Variants in PRSS48 observed in about 807,000 individuals in gnomAD.
The protein encoded by PRSS48 is epidermis-specific serine protease-like protein.
A neutral mutation model predicts 25.6 loss-of-function variants in PRSS48; 21 were observed. The ratio of observed to expected loss-of-function variants is 0.82; its 90% confidence interval spans 0.58 to 1.18. PRSS48 has a LOEUF of 1.18. PRSS48 is among the 50% of genes most tolerant of loss of function. The pLI is 0.00. For synonymous variants in PRSS48, 150 were observed against 149.3 expected, an observed-to-expected ratio of 1.00 and a Z score of -0.04; for missense variants, 373 against 399.3, an observed-to-expected ratio of 0.93 and a Z score of 0.56.
chr4:151,278,532 A>G (rs1006122669), intron 1 of PRSS48, among the ~76,000 whole-genome samples: 1 of 152,122 alleles, frequency 6.6e-6, no homozygotes, highest in South Asian at 2.1e-4. Flanking sequence ...CCTGTCTCCA[A>G]CATTCCTTTT....
intron 1 of PRSS48, among the ~76,000 whole-genome samples, chr4:151,278,175 C>T (rs951938559): frequency 2.6e-5 from 4 of 152,164 alleles, no homozygotes; most frequent in Admixed American, 1.3e-4. Flanking sequence ...CAACCTCAAC[C>T]GCATCTGAGG....
At chr4:151,288,621 A>G (rs559898595) in intron 4 of PRSS48, among the ~76,000 whole-genome samples, 80 of 151,982 alleles carry the variant, frequency 5.3e-4, no homozygotes, top group Middle Eastern at 3.4e-3. Context: ...GTGAGCTGAG[A>G]TCTCGCCACT....
intron 1 of PRSS48, among the ~76,000 whole-genome samples, chr4:151,278,646 T>G (rs980130306): frequency 6.6e-6 from 1 of 151,936 alleles, no homozygotes; most frequent in Non-Finnish European, 1.5e-5. Flanking sequence ...TTCCTTTTCT[T>G]TTCAGACAGG....
intron 4 of PRSS48, among the ~76,000 whole-genome samples, chr4:151,285,897 A>C (rs1244864336): frequency 6.6e-6 from 1 of 151,902 alleles, no homozygotes; most frequent in Non-Finnish European, 1.5e-5. Flanking sequence ...ATATACATAA[A>C]TAAAACTAAA....
intron 4 of PRSS48, among the ~76,000 whole-genome samples, chr4:151,284,006 T>C (rs1437616253): frequency 1.3e-5 from 2 of 152,228 alleles, no homozygotes; most frequent in South Asian, 2.1e-4. Context: ...ATTTTTTCTT[T>C]ACCTTTGATT....
At chr4:151,282,201 A>G in exon 3 of PRSS48, 1 of 1,613,866 alleles carries the variant, frequency 6.2e-7, no homozygotes, top group Non-Finnish European at 8.5e-7. Flanking sequence ...ACAGTAGGTG[A>G]CTCAAGGAAA....
exon 3 of PRSS48, chr4:151,282,232 C>A: frequency 6.2e-7 from 1 of 1,613,892 alleles, no homozygotes; most frequent in East Asian, 2.2e-5. Context: ...ACTACGTGTC[C>A]AAAATCGTCA....
At chr4:151,289,308 T>A (rs1775107001) in intron 4 of PRSS48, among the ~76,000 whole-genome samples, 1 of 152,188 alleles carries the variant, frequency 6.6e-6, no homozygotes, top group Non-Finnish European at 1.5e-5. Context: ...TAGGTCTTTG[T>A]GACCTTGATT....
chr4:151,278,138 C>T (rs979226348), intron 1 of PRSS48, among the ~76,000 whole-genome samples: 1 of 152,174 alleles, frequency 6.6e-6, no homozygotes, highest in Non-Finnish European at 1.5e-5. Flanking sequence ...TTCAGTTAAA[C>T]CAAATAGCAC....
intron 1 of PRSS48, 65 bp downstream of exon 1, chr4:151,277,289 A>T: frequency 3.1e-6 from 4 of 1,275,744 alleles, no homozygotes; most frequent in Non-Finnish European, 4.2e-6. Context: ...GGCATCACAT[A>T]GAACAATGTG....
At position 151,277,354 on chromosome 4, in the gene PRSS48, G is replaced by C. The variant is rs185417005; in HGVS notation, c.52+130G>C. The stretch of plus-strand genomic sequence containing the variant: ...GTAGCACAGCCTGAGAAGGTCCTGA[G>C]AGGCTACTATATACCCAGCACCATT... On this transcript the variant is annotated intron_variant, in intron 1 of 4. Transcript: ENST00000455694. 1.3e-5 allele frequency: 8 copies of C among 593,636 alleles called. No individual in the cohort carries two copies. The East Asian group carries it at 2.3e-4, about 17-fold the overall frequency. 36.8% of individuals were successfully genotyped at this position (593,636 alleles called of 1,614,324 possible). A position where few individuals can be genotyped will look rare whatever the true frequency, so the allele number is the denominator to read the frequency against.
At chr4:151,283,387 G>A in intron 4 of PRSS48, 101 bp downstream of exon 4, 2 of 1,037,002 alleles carry the variant, frequency 1.9e-6, no homozygotes, top group East Asian at 2.5e-5. Context: ...GTCAGGAGAT[G>A]AGGGTTCTAA....
In PRSS48 at chr4:151,280,897, A is replaced by G. The variant is rs1184532074; in HGVS notation, c.215+939A>G. Among the ~76,000 whole-genome samples the G allele has an allele frequency of 3.3e-5, 5 of 152,242 alleles. No homozygotes were observed. In the East Asian group the frequency reaches 7.7e-4, roughly 23 times the overall value. Reference sequence around the variant, plus strand: ...TTAGAATTCTACCCATATGCAAACTATCAATCAAATGTGGGATAGAAGTAA... The same window carrying G: ...TTAGAATTCTACCCATATGCAAACTGTCAATCAAATGTGGGATAGAAGTAA... On this transcript the variant is annotated intron_variant, in intron 2 of 4. Coordinates refer to ENST00000455694, the Ensembl canonical transcript of PRSS48.
At chr4:151,281,393 G>A (rs1197285622) in intron 2 of PRSS48, among the ~76,000 whole-genome samples, 4 of 152,256 alleles carry the variant, frequency 2.6e-5, no homozygotes, top group South Asian at 2.1e-4. Flanking sequence ...AAGAACAAAC[G>A]CATTAAATAC....
chr4:151,287,861 C>A (rs1774964329), intron 4 of PRSS48, among the ~76,000 whole-genome samples: 1 of 151,918 alleles, frequency 6.6e-6, no homozygotes, highest in Admixed American at 6.6e-5. Flanking sequence ...GCCTGGGAGA[C>A]AAAGTGAGAC....
chr4:151,287,579 T>G (rs1032876520), intron 4 of PRSS48, among the ~76,000 whole-genome samples: 3 of 152,168 alleles, frequency 2.0e-5, no homozygotes, highest in African/African-American at 7.2e-5. Context: ...AAATCCAAAC[T>G]GGGGGTAATT....
intron 4 of PRSS48, among the ~76,000 whole-genome samples, chr4:151,288,549 C>T (rs762400141): frequency 2.0e-5 from 3 of 152,032 alleles, no homozygotes; most frequent in Non-Finnish European, 4.4e-5. Context: ...GAGTTCGAGA[C>T]CAGCCTGACC....
intron 4 of PRSS48, among the ~76,000 whole-genome samples, chr4:151,286,600 T>TA (rs200710507): frequency 0.021 from 2,760 of 132,736 alleles, 33 homozygotes; most frequent in South Asian, 0.034. Context: ...CATTTGTGAT[T>TA]AAAAAAAAAA....
At chr4:151,289,472 C>T (rs1347589954) in intron 4 of PRSS48, among the ~76,000 whole-genome samples, 1 of 152,050 alleles carries the variant, frequency 6.6e-6, no homozygotes, top group Non-Finnish European at 1.5e-5. Context: ...ATTTGCAAAT[C>T]ATATATGTAA....
Sources: gnomAD v4.1 joint callset for allele counts (sites outside exome capture counted in the v4.1 genomes callset) on GRCh38, gnomAD v4.1.1 for gene constraint, MANE v1.5 for transcripts, NCBI Gene and HGNC (gene_info 2026-07-23, HGNC 2026-07-21) for gene names.